CHSY3: variants seen among roughly 807,000 people sequenced by gnomAD.
CHSY3 encodes chondroitin sulfate synthase 3, also known as N-acetylgalactosaminyl-proteoglycan 3-beta-glucuronosyltransferase 3.
In CHSY3, 35 loss-of-function variants were observed where a neutral mutation model predicts 67.2. The ratio of observed to expected loss-of-function variants is 0.52; its 90% CI spans 0.40 to 0.69. CHSY3 has a LOEUF of 0.69. CHSY3 is among the 30% of genes least tolerant of loss of function. The pLI, the probability that CHSY3 is intolerant of heterozygous loss-of-function variation, is 0.00. For synonymous variants in CHSY3, 474 were observed against 434.7 expected, an observed-to-expected ratio of 1.09 and a Z score of -1.12; for missense variants, 1,069 against 1,138.5, an observed-to-expected ratio of 0.94 and a Z score of 0.88.
intron 2 of CHSY3, among the ~76,000 whole-genome samples, chr5:130,146,091 A>G (rs1205947404): frequency 6.6e-6 from 1 of 152,198 alleles, no homozygotes; most frequent in Non-Finnish European, 1.5e-5. Context: ...CAGCAATCCT[A>G]CTACTTAATA....
At chr5:130,074,894 T>C (rs1296917065) in intron 2 of CHSY3, among the ~76,000 whole-genome samples, 1 of 116,002 alleles carries the variant, frequency 8.6e-6, no homozygotes, top group Non-Finnish European at 1.8e-5. Context: ...ATGATAGTAA[T>C]AATTAAGCTT....
At chr5:129,975,110 AG>A (rs1762763868) in intron 2 of CHSY3, 2 of 152,254 alleles carry the variant, frequency 1.3e-5, no homozygotes, top group Admixed American at 6.5e-5. Context: ...TAGCATTAGG[AG>A]ATATACCTAA....
intron 2 of CHSY3, among the ~76,000 whole-genome samples, chr5:130,046,259 A>G (rs1041037492): frequency 2.0e-5 from 3 of 152,272 alleles, no homozygotes; most frequent in Admixed American, 1.3e-4. Flanking sequence ...AAGGTGAACT[A>G]CATTATCTAT....
chr5:130,001,958 A>G (rs1303157468), intron 2 of CHSY3: 2 of 853,782 alleles, frequency 2.3e-6, no homozygotes, highest in Non-Finnish European at 2.8e-6. Context: ...ATGTCAGCCA[A>G]TCCTTATATT....
rs1016974968 is a variant in CHSY3 at position 130,035,153 on chromosome 5, G to C, written c.1086+126793G>C. Among the ~76,000 whole-genome samples, 71 of 152,150 alleles carry C rather than the reference G, an allele frequency of 4.7e-4. 1 individual carries two copies. Among genetic ancestry groups the C allele is most frequent in the African/African-American group, 1.7e-3 (69 of 41,542 alleles). ...ATACATTAGGAATATACTAAAACAA[G>C]GCAAGGGAAGAAGCAGAAAGATGAG... On this transcript the variant is annotated intron_variant, in intron 2 of 2. Coordinates refer to ENST00000305031, the MANE Select transcript of CHSY3 (RefSeq NM_175856.5).
intron 2 of CHSY3, among the ~76,000 whole-genome samples, chr5:130,004,345 TC>T (rs1763813256): frequency 6.6e-6 from 1 of 152,232 alleles, no homozygotes; most frequent in Non-Finnish European, 1.5e-5. Context: ...CTTGTGTTTT[TC>T]AACGTTTACA....
At chr5:129,910,909 AG>A (rs1760516808) in intron 2 of CHSY3, among the ~76,000 whole-genome samples, 1 of 151,840 alleles carries the variant, frequency 6.6e-6, no homozygotes, top group Non-Finnish European at 1.5e-5. Context: ...TTCTTTTAAA[AG>A]CACTATCTGT....
chr5:129,952,531 C>A (rs1325559852), intron 2 of CHSY3, among the ~76,000 whole-genome samples: 4 of 152,134 alleles, frequency 2.6e-5, no homozygotes, highest in African/African-American at 9.7e-5. Context: ...GTTTTAAAAT[C>A]TTTCTTTGAA....
chr5:130,064,532 G>T lies in CHSY3; in HGVS notation c.1087-119697G>T, dbSNP rs538644647. Among the ~76,000 whole-genome samples the T allele has an allele frequency of 1.6e-4, 25 of 152,222 alleles. No individual in the cohort carries two copies. The South Asian group carries it at 5.2e-3, about 32-fold the overall frequency. On this transcript the variant is annotated intron_variant, in intron 2 of 2. Coordinates refer to ENST00000305031, the MANE Select transcript of CHSY3 (RefSeq NM_175856.5). ...TCAGAAACAAACCTACTTCTATGGC[G>T]CATGTTAAGAATTTCAAAAACAGTT...
At chr5:129,939,936 A>C (rs996692235) in intron 2 of CHSY3, among the ~76,000 whole-genome samples, 1 of 152,200 alleles carries the variant, frequency 6.6e-6, no homozygotes, top group Admixed American at 6.5e-5. Flanking sequence ...ACTAGGGAAC[A>C]TTGTATGTTA....
intron 2 of CHSY3, among the ~76,000 whole-genome samples, chr5:130,062,427 G>A (rs1458357052): frequency 6.6e-6 from 1 of 152,070 alleles, no homozygotes; most frequent in African/African-American, 2.4e-5. Flanking sequence ...GGTGAGGGCT[G>A]AAAAATTGCC....
chr5:130,115,922 G>A (rs561503843), intron 2 of CHSY3, among the ~76,000 whole-genome samples: 1 of 152,292 alleles, frequency 6.6e-6, no homozygotes, highest in Admixed American at 6.5e-5. Context: ...CTGAGCTCAC[G>A]TCGACCTCCT....
intron 2 of CHSY3, among the ~76,000 whole-genome samples, chr5:130,035,934 T>C (rs1764851311): frequency 6.8e-6 from 1 of 147,734 alleles, no homozygotes; most frequent in Admixed American, 6.8e-5. Flanking sequence ...AGAAAGTAGT[T>C]CATGAGCATC....
chr5:130,164,217 C>T (rs1053155604), intron 2 of CHSY3, among the ~76,000 whole-genome samples: 8 of 152,066 alleles, frequency 5.3e-5, no homozygotes, highest in African/African-American at 9.7e-5. Context: ...GGATTAATAT[C>T]GATGCCCTAT....
chr5:130,015,463 G>A (rs1335429075), intron 2 of CHSY3, among the ~76,000 whole-genome samples: 1 of 151,972 alleles, frequency 6.6e-6, no homozygotes, highest in Non-Finnish European at 1.5e-5. Flanking sequence ...ACATACACAG[G>A]GTCAACAAAC....
chr5:130,050,926 A>G (rs1243970371), intron 2 of CHSY3, among the ~76,000 whole-genome samples: 1 of 152,166 alleles, frequency 6.6e-6, no homozygotes, highest in Admixed American at 6.6e-5. Context: ...GTTAATTGTT[A>G]TATACCCACC....
chr5:130,021,051 G>C lies in CHSY3; in HGVS notation c.1086+112691G>C, dbSNP rs1764375677. On this transcript the variant is annotated intron_variant, in intron 2 of 2. Transcript: ENST00000305031. ...TAAATGGGTGAAAGACATCTGCCAA[G>C]ATGGTAAAAATTGGAGATGGGACCT... Among the ~76,000 whole-genome samples, 3 of 152,158 alleles carry C rather than the reference G, an allele frequency of 2.0e-5. No individual in the cohort carries two copies. In the South Asian group the frequency reaches 6.2e-4, roughly 32 times the overall value.
chr5:130,143,806 G>GTA (rs1561557306), intron 2 of CHSY3, among the ~76,000 whole-genome samples: 2 of 41,260 alleles, frequency 4.8e-5, no homozygotes, highest in African/African-American at 2.1e-4. Flanking sequence ...ATATATATAT[G>GTA]TGTGTATATA....
intron 2 of CHSY3, among the ~76,000 whole-genome samples, chr5:130,173,799 C>G (rs1385552104): frequency 1.3e-5 from 2 of 151,696 alleles, no homozygotes. Context: ...TATTTTCCCT[C>G]AAGTTATTTA....
Sources: gnomAD v4.1 joint callset for allele counts (sites outside exome capture counted in the v4.1 genomes callset) on GRCh38, gnomAD v4.1.1 for gene constraint, MANE v1.5 for transcripts, NCBI Gene and HGNC (gene_info 2026-07-23, HGNC 2026-07-21) for gene names.